The following BIRC3 variants were observed in gnomAD, a reference collection of about 807,000 sequenced individuals.
BIRC3 encodes baculoviral IAP repeat-containing protein 3.
BIRC3 carries 26 observed loss-of-function variants against 59.0 expected under a neutral mutation model. That is an observed-to-expected ratio of 0.44 (90% CI 0.32 to 0.61). BIRC3 has a LOEUF of 0.61. Ranked by LOEUF, BIRC3 falls within the 20% of genes least tolerant of loss-of-function variation. BIRC3 has a pLI of 0.04. For missense variants in BIRC3, 641 were observed against 711.5 expected, an observed-to-expected ratio of 0.90 and a Z score of 1.13; for synonymous variants, 243 against 249.2, an observed-to-expected ratio of 0.98 and a Z score of 0.24.
rs202087665 is a variant in BIRC3 at position 102,336,082 on chromosome 11, G to T, written c.1441G>T (p.Val481Phe). 6.2e-7 allele frequency: 1 copy of T among 1,613,768 alleles called. No homozygotes were observed. The highest frequency in any genetic ancestry group is 8.5e-7 in the Non-Finnish European group (1 of 1,179,934). The change falls in exon 7 of 9, where the codon GTT (valine) becomes TTT (phenylalanine). Residue 481 changes from valine (V) to phenylalanine (F), a missense_variant. Coordinates refer to ENST00000263464, the MANE Select transcript of BIRC3 (RefSeq NM_001165.5). ...AATTATTAATGAACAAGAACATGAT[G>T]TTATTAAACAGAAGACACAGACGTC... is the stretch of plus-strand genomic sequence containing the variant. ...AGIINEQEHD[V>F]IKQKTQTSLQ...
At chr11:102,326,364 A>G (rs1325841435) in intron 3 of BIRC3, among the ~76,000 whole-genome samples, 1 of 152,216 alleles carries the variant, frequency 6.6e-6, no homozygotes, top group African/African-American at 2.4e-5. Context: ...GCCACGCAGC[A>G]TTTTAATGTG....
Position 102,325,201 on chromosome 11 carries a change from A to G in BIRC3, c.692A>G (p.Lys231Arg). 1 of 1,614,142 alleles carries G rather than the reference A, an allele frequency of 6.2e-7. No homozygotes were observed. The highest frequency in any genetic ancestry group is 8.5e-7 in the Non-Finnish European group (1 of 1,180,008). ...AMSEHLRHFP[K>R]CPFIENQLQD... ...TCAGAACACCTGAGACATTTTCCCAAATGCCCATTTATAGAAAATCAGCTT... is the reference window on the plus strand; with the variant it reads ...TCAGAACACCTGAGACATTTTCCCAGATGCCCATTTATAGAAAATCAGCTT... The change falls in exon 2 of 9, where the codon AAA (lysine) becomes AGA (arginine). Residue 231 changes from lysine to arginine, a missense_variant. Lys to Arg is a conservative substitution (Grantham distance 26). Around this residue, in one of 4 missense-constraint regions of BIRC3, gnomAD observed 329 missense variants for 365.6 expected, o/e 0.90. Coordinates refer to ENST00000263464, the MANE Select transcript of BIRC3 (RefSeq NM_001165.5).
At position 102,324,604 on chromosome 11, in the gene BIRC3, G is replaced by C; in HGVS notation, c.95G>C (p.Arg32Pro). 6.2e-7 allele frequency: 1 copy of C among 1,614,102 alleles called. No individual in the cohort carries two copies. The highest frequency in any genetic ancestry group is 8.5e-7 in the Non-Finnish European group (1 of 1,179,996). Reference protein sequence around the residue: ...LKYDLSCELYRMSTYSTFPAG... With the variant: ...LKYDLSCELYPMSTYSTFPAG... ...TACGACTTGTCATGTGAACTGTACC[G>C]AATGTCTACGTATTCCACTTTTCCT... Residue 32 changes from arginine to proline, a missense_variant, in exon 2 of 9, where the codon CGA becomes CCA. Physicochemically the swap from Arg to Pro is moderately radical, Grantham distance 103. Around this residue, in one of 4 missense-constraint regions of BIRC3, gnomAD observed 329 missense variants for 365.6 expected, o/e 0.90. Coordinates refer to ENST00000263464, the MANE Select transcript of BIRC3 (RefSeq NM_001165.5).
chr11:102,336,386 G>A, intron 7 of BIRC3, 166 bp downstream of exon 7: 2 of 776,048 alleles, frequency 2.6e-6, no homozygotes, highest in South Asian at 2.0e-5. Flanking sequence ...GAGCCCAGGA[G>A]TTTGAGACCA....
chr11:102,331,329 GA>G, intron 6 of BIRC3, 88 bp downstream of exon 6: 1 of 1,289,090 alleles, frequency 7.8e-7, no homozygotes, highest in Non-Finnish European at 1.0e-6. Context: ...TAGCATATCT[GA>G]AAATATACTC....
At chr11:102,327,770 C>A (rs1231141377) in intron 3 of BIRC3, among the ~76,000 whole-genome samples, 1 of 151,914 alleles carries the variant, frequency 6.6e-6, no homozygotes, top group South Asian at 2.1e-4. Context: ...TAAAAATTCA[C>A]ACAAAAAATT....
rs1482849604 is a variant in BIRC3 at position 102,339,375 on chromosome 11, T to C, written c.*2273T>C. On this transcript the variant is annotated 3_prime_UTR_variant, in exon 9 of 9. Coordinates refer to ENST00000263464, the MANE Select transcript of BIRC3 (RefSeq NM_001165.5). ...TAAGTGTTATTTTGACATTTTGTTT[T>C]GGAAAAAATAAATCACCATAGATAA... 1 of 177,596 alleles carries C rather than the reference T, an allele frequency of 5.6e-6. No individual in the cohort carries two copies. Among genetic ancestry groups the C allele is most frequent in the Non-Finnish European group, 1.2e-5 (1 of 82,602 alleles). 11.0% of individuals were successfully genotyped at this position (177,596 alleles called of 1,614,324 possible).
intron 6 of BIRC3, among the ~76,000 whole-genome samples, chr11:102,333,024 A>G (rs147238253): frequency 1.1e-4 from 17 of 152,336 alleles, no homozygotes; most frequent in African/African-American, 4.1e-4. Flanking sequence ...AGACAATCAG[A>G]AAAGTCTCCA....
Position 102,328,937 on chromosome 11 carries a change from A to T in BIRC3, c.1073A>T (p.Glu358Val), listed in dbSNP as rs747444965. Reference sequence around the variant, plus strand: ...GACAGCCCAGGAGATGAAAATGCAGAGTCATCAAGTAAGTACAATGGATAA... The same window carrying T: ...GACAGCCCAGGAGATGAAAATGCAGTGTCATCAAGTAAGTACAATGGATAA... Reference protein sequence around the residue: ...TSDSPGDENAESSIIHFEPGE... With the variant: ...TSDSPGDENAVSSIIHFEPGE... The change falls in exon 5 of 9, where the codon GAG becomes GTG. Residue 358 changes from glutamate (E) to valine (V), a missense_variant. This residue lies in a region of BIRC3 where 268 missense variants were observed against 255.7 expected (regional missense o/e 1.05). Coordinates refer to ENST00000263464, the MANE Select transcript of BIRC3 (RefSeq NM_001165.5). 1 of 1,453,522 alleles carries T rather than the reference A, an allele frequency of 6.9e-7. No homozygotes were observed. The highest frequency in any genetic ancestry group is 9.1e-7 in the Non-Finnish European group (1 of 1,103,488). 90.0% of individuals were successfully genotyped at this position (1,453,522 alleles called of 1,614,324 possible). A position where few individuals can be genotyped will look rare whatever the true frequency, so the allele number is the denominator to read the frequency against.
chr11:102,326,560 A>G (rs1951082986), intron 3 of BIRC3, among the ~76,000 whole-genome samples: 1 of 152,116 alleles, frequency 6.6e-6, no homozygotes, highest in South Asian at 2.1e-4. Context: ...ACATTTTTTC[A>G]TGGTCAAAAC....
Position 102,322,478 on chromosome 11 carries a change from C to T in BIRC3, c.-2032C>T, listed in dbSNP as rs184753031. ...AAAGTTTGTTTAAATGGGCTGTTAC[C>T]GCTGAGAATGATGAGGATGAGAATG... On this transcript the variant is annotated 5_prime_UTR_variant, in exon 2 of 9. Transcript: ENST00000263464. 4 of 204,806 alleles carry T rather than the reference C, an allele frequency of 2.0e-5. No individual in the cohort carries two copies. The Admixed American group carries it at 2.4e-4, about 12-fold the overall frequency. The allele number at this position is 204,806 out of a possible 1,614,324, so 12.7% of individuals were successfully genotyped here.
Position 102,325,958 on chromosome 11 carries a change from A to G in BIRC3, c.953+393A>G, listed in dbSNP as rs562740843. 3.3e-5 allele frequency among the ~76,000 whole-genome samples: 5 copies of G among 152,274 alleles called. No homozygotes were observed. The East Asian group carries it at 5.8e-4, about 18-fold the overall frequency. ...ATAGAAATAAATGTATATGATACAT[A>G]TACATATAGAAATAAATACATATAC... is the stretch of plus-strand genomic sequence containing the variant. On this transcript the variant is annotated intron_variant, in intron 3 of 8. Transcript: ENST00000263464.
rs1003394306 is a variant in BIRC3 at position 102,337,012 on chromosome 11, A to G, written c.1725A>G (p.Leu575=). 1 of 1,605,420 alleles carries G rather than the reference A, an allele frequency of 6.2e-7. No individual in the cohort carries two copies. Among genetic ancestry groups the G allele is most frequent in the African/African-American group, 1.3e-5 (1 of 74,638 alleles). The change falls in exon 9 of 9, where the codon CTA becomes CTG. Residue 575 remains leucine (L), a synonymous_variant. Coordinates refer to ENST00000263464, the MANE Select transcript of BIRC3 (RefSeq NM_001165.5). ...VSIVFIPCGH[L]VVCKDCAPSL... is the part of the protein sequence containing the mutation. ...TAGTGTTTATTCCTTGTGGTCATCT[A>G]GTAGTATGCAAAGATTGTGCTCCTT...
chr11:102,336,990 T>C lies in BIRC3; in HGVS notation c.1703T>C (p.Val568Ala), dbSNP rs1480499410. The change falls in exon 9 of 9, where the codon GTG becomes GCG. Residue 568 changes from valine to alanine, a missense_variant. By Grantham distance (64) the Val-to-Ala change is moderately conservative (BLOSUM62 0). Transcript: ENST00000263464. The part of the protein sequence containing the change: ...KVCMDKEVSI[V>A]FIPCGHLVVC... ...TGTATGGACAAAGAAGTGTCCATAG[T>C]GTTTATTCCTTGTGGTCATCTAGTA... 3 of 1,605,236 alleles carry C rather than the reference T, an allele frequency of 1.9e-6. No individual in the cohort carries two copies. In the East Asian group the frequency reaches 6.7e-5, roughly 36 times the overall value.
Position 102,323,357 on chromosome 11 carries a change from CAG to C in BIRC3, c.-1150_-1149del, listed in dbSNP as rs1305708433. 18 of 193,388 alleles carry C rather than the reference CAG, an allele frequency of 9.3e-5. No individual in the cohort carries two copies. In the East Asian group the frequency reaches 1.5e-3, roughly 16 times the overall value. 12.0% of individuals were successfully genotyped at this position (193,388 alleles called of 1,614,324 possible). On this transcript the variant is annotated 5_prime_UTR_variant, in exon 2 of 9. An upstream open reading frame in the 5' UTR loses its in-frame stop. Coordinates refer to ENST00000263464, the MANE Select transcript of BIRC3 (RefSeq NM_001165.5). ...TCAGTTTTGTTATTGGTAGTTTGGG[CAG>C]AGTCTCTTTTTGCAGCACCTGTTGT...
chr11:102,321,479 G>A (rs957749279), intron 1 of BIRC3, among the ~76,000 whole-genome samples: 9 of 151,910 alleles, frequency 5.9e-5, no homozygotes, highest in Admixed American at 2.0e-4. Context: ...CTCAGCCTCC[G>A]GAGTAGCTGG....
intron 6 of BIRC3, among the ~76,000 whole-genome samples, chr11:102,332,664 G>T (rs886900169): frequency 2.6e-5 from 4 of 152,110 alleles, no homozygotes; most frequent in Non-Finnish European, 5.9e-5. Context: ...TTCATTTAGG[G>T]ATAAATCCAA....
At chr11:102,328,305 C>G (rs1951104781) in intron 4 of BIRC3, among the ~76,000 whole-genome samples, 175 bp downstream of exon 4, 1 of 152,162 alleles carries the variant, frequency 6.6e-6, no homozygotes. Flanking sequence ...AAAATAGATC[C>G]ATAAATGGTA....
rs530207374 is a variant in BIRC3 at position 102,321,855 on chromosome 11, C to T, written c.-2655C>T. 34 of 165,320 alleles carry T rather than the reference C, an allele frequency of 2.1e-4. No homozygotes were observed. Among genetic ancestry groups the T allele is most frequent in the East Asian group, 4.5e-4 (4 of 8,926 alleles). The allele number at this position is 165,320 out of a possible 1,614,324, so 10.2% of individuals were successfully genotyped here. ...TGAACAGGTTTACAAAGGAGGAAAA[C>T]GACTTCTTCTAGATTTTTTTTTCAG... On this transcript the variant is annotated 5_prime_UTR_variant, in exon 2 of 9. The change creates a new upstream start codon in the 5' untranslated region. Coordinates refer to ENST00000263464, the MANE Select transcript of BIRC3 (RefSeq NM_001165.5).
Sources: allele counts gnomAD v4.1 joint callset (sites outside exome capture counted in the v4.1 genomes callset), GRCh38; gene constraint gnomAD v4.1.1; regional missense constraint gnomAD v4.1.1; transcripts MANE v1.5; gene names NCBI Gene and HGNC (gene_info 2026-07-23, HGNC 2026-07-21).